Variants in CTDSP1 observed in about 807,000 individuals in gnomAD.
CTDSP1 encodes the protein carboxy-terminal domain RNA polymerase II polypeptide A small phosphatase 1.
CTDSP1 carries 15 observed loss-of-function variants against 32.5 expected under a neutral mutation model. The ratio of observed to expected loss-of-function variants is 0.46; its 90% CI spans 0.31 to 0.71. The LOEUF (loss-of-function observed/expected upper bound fraction) is 0.71. Among genes scored for constraint, CTDSP1 ranks in the 30% least tolerant of loss-of-function variants. The pLI, the probability that CTDSP1 is intolerant of heterozygous loss-of-function variation, is 0.05. For missense variants in CTDSP1, 294 were observed against 351.1 expected, an observed-to-expected ratio of 0.84 and a Z score of 1.30; for synonymous variants, 185 against 145.4, an observed-to-expected ratio of 1.27 and a Z score of -1.96.
At position 218,405,692 on chromosome 2, in the gene CTDSP1, C is replaced by T. The variant is rs1205481800; in HGVS notation, c.*1267C>T. ...CTGCCTTCCAACTGTTTCTGAAGCC[C>T]CTCCTCCTAACATGGCGATTCCGGA... On this transcript the variant is annotated 3_prime_UTR_variant, in exon 7 of 7. Transcript: ENST00000273062. 2 of 153,028 alleles carry T rather than the reference C, an allele frequency of 1.3e-5. No individual in the cohort carries two copies. The highest frequency in any genetic ancestry group is 2.4e-5 in the African/African-American group (1 of 41,462). 9.5% of individuals were successfully genotyped at this position (153,028 alleles called of 1,614,324 possible).
At chr2:218,400,306 G>A in intron 1 of CTDSP1, 149 bp downstream of exon 1, 2 of 789,360 alleles carry the variant, frequency 2.5e-6, no homozygotes, top group Non-Finnish European at 4.2e-6. Context: ...AGCAGGGAGA[G>A]AGTTTGAACT....
upstream of CTDSP1, chr2:218,398,543 C>A: frequency 8.1e-7 from 1 of 1,237,186 alleles, no homozygotes; most frequent in Non-Finnish European, 1.1e-6. Flanking sequence ...AGCCGCCGCG[C>A]CTTCTGGCAG....
upstream of CTDSP1, chr2:218,399,745 C>CCG (rs1300822880): frequency 6.9e-6 from 7 of 1,018,528 alleles, no homozygotes; most frequent in East Asian, 6.0e-4. Flanking sequence ...GCCCGGCCCG[C>CCG]CTCCCAGTCC....
rs760039671 is a variant in CTDSP1, at chr2:218,403,171, A to G, written c.471+44A>G. 8 of 1,611,928 alleles carry G rather than the reference A, an allele frequency of 5.0e-6. No homozygotes were observed. In the Admixed American group the frequency reaches 5.0e-5, roughly 10 times the overall value. On this transcript the variant is annotated intron_variant, in intron 5 of 6. Transcript: ENST00000273062. ...CCGGGGCAACCCTGCCCTCCTACCT[A>G]CCTCCCGCATGCAGCCCAATGAACC...
intron 1 of CTDSP1, chr2:218,400,482 T>A: frequency 2.3e-6 from 1 of 430,338 alleles, no homozygotes; most frequent in Non-Finnish European, 4.4e-6. Flanking sequence ...CCAATGGGGC[T>A]GGGAGATGGG....
At chr2:218,396,904 C>T (rs897816193), upstream of CTDSP1, 1 of 152,422 alleles carries the variant, frequency 6.6e-6, no homozygotes, top group South Asian at 2.1e-4. Context: ...ACCCCACACT[C>T]CAGCGGCGGG....
Position 218,404,954 on chromosome 2 carries a change from C to T in CTDSP1, c.*529C>T, listed in dbSNP as rs1232148339. The T allele has an allele frequency of 1.3e-5, 2 of 154,066 alleles. No homozygotes were observed. The highest frequency in any genetic ancestry group is 2.9e-5 in the Non-Finnish European group (2 of 69,044). The allele number at this position is 154,066 out of a possible 1,614,324, so 9.5% of individuals were successfully genotyped here. On this transcript the variant is annotated 3_prime_UTR_variant, in exon 7 of 7. Coordinates refer to ENST00000273062, the MANE Select transcript of CTDSP1 (RefSeq NM_021198.3). ...CTGAGAGGGCCCCTACCAACCTTTG[C>T]CTCTGCCTTGGAGGGAGGGGAGGTC... is the stretch of plus-strand genomic sequence containing the variant.
intron 2 of CTDSP1, 50 bp downstream of exon 2, chr2:218,401,762 G>C: frequency 1.4e-6 from 2 of 1,478,460 alleles, no homozygotes; most frequent in Non-Finnish European, 1.8e-6. Context: ...TCAGTCTTCA[G>C]GGCTTTAGGG....
chr2:218,400,428 T>G, intron 1 of CTDSP1: 1 of 547,660 alleles, frequency 1.8e-6, no homozygotes, highest in East Asian at 3.3e-5. Context: ...GGGGGTTTCC[T>G]GGCAGGCATT....
At chr2:218,401,130 C>T (rs1284344498) in intron 1 of CTDSP1, 32 of 367,380 alleles carry the variant, frequency 8.7e-5, no homozygotes, top group Middle Eastern at 1.9e-3. Context: ...GGACTTCGTA[C>T]CCACGGGGGT....
rs750784843 is a variant in CTDSP1, at chr2:218,402,980, G to A, written c.379-55G>A. On this transcript the variant is annotated intron_variant, in intron 4 of 6. Coordinates refer to ENST00000273062, the MANE Select transcript of CTDSP1 (RefSeq NM_021198.3). ...CTGGCCCATGCCCTGCCAGCCCTCG[G>A]CCACCCCCACACTGCCCCACTGGCC... The A allele has an allele frequency of 6.6e-6, 9 of 1,371,038 alleles. No individual in the cohort carries two copies. The South Asian group carries it at 1.1e-4, about 16-fold the overall frequency. The allele number at this position is 1,371,038 out of a possible 1,614,324, so 84.9% of individuals were successfully genotyped here. A position where few individuals can be genotyped will look rare whatever the true frequency, so the allele number is the denominator to read the frequency against.
At position 218,405,211 on chromosome 2, in the gene CTDSP1, GGA is replaced by G. The variant is rs1312728823; in HGVS notation, c.*792_*793del. The G allele has an allele frequency of 6.5e-6, 1 of 152,890 alleles. No homozygotes were observed. Among genetic ancestry groups the G allele is most frequent in the East Asian group, 1.9e-4 (1 of 5,318 alleles). The allele number at this position is 152,890 out of a possible 1,614,324, so 9.5% of individuals were successfully genotyped here. The stretch of plus-strand genomic sequence containing the variant: ...ATGTGTATATAGATTTTTAGGGGAA[GGA>G]GAGAGGGAAGGGTCAGGGTAGAGAC... On this transcript the variant is annotated 3_prime_UTR_variant, in exon 7 of 7. Transcript: ENST00000273062.
chr2:218,398,547 C>T (rs887350441), upstream of CTDSP1: 2 of 1,166,760 alleles, frequency 1.7e-6, no homozygotes, highest in East Asian at 3.2e-5. Flanking sequence ...GCCGCGCCTT[C>T]TGGCAGACGC....
intron 1 of CTDSP1, chr2:218,400,644 C>A: frequency 2.3e-6 from 1 of 430,650 alleles, no homozygotes; most frequent in Non-Finnish European, 4.7e-6. Context: ...CGCCAACACA[C>A]AGCTACGTTC....
At position 218,399,927 on chromosome 2, in the gene CTDSP1, C is replaced by T; in HGVS notation, c.-164C>T. 1.8e-6 allele frequency: 2 copies of T among 1,138,284 alleles called. No homozygotes were observed. Among genetic ancestry groups the T allele is most frequent in the South Asian group, 2.8e-5 (1 of 36,052 alleles). The allele number at this position is 1,138,284 out of a possible 1,614,324, so 70.5% of individuals were successfully genotyped here. On this transcript the variant is annotated 5_prime_UTR_variant, in exon 1 of 7. Coordinates refer to ENST00000273062, the MANE Select transcript of CTDSP1 (RefSeq NM_021198.3). ...AACAAAGTTTCCTCCGCGCCCCCTC[C>T]CTCCCCCTCCCCCCTAGAACCTGGC...
At position 218,404,401 on chromosome 2, in the gene CTDSP1, C is replaced by T. The variant is rs1020769538; in HGVS notation, c.762C>T (p.Leu254=). 38 of 1,614,044 alleles carry T rather than the reference C, an allele frequency of 2.4e-5. No individual in the cohort carries two copies. Among genetic ancestry groups the T allele is most frequent in the Non-Finnish European group, 2.9e-5 (34 of 1,180,012 alleles). Residue 254 remains leucine (L), a synonymous_variant, in exon 7 of 7, where the codon CTC becomes CTT. Transcript: ENST00000273062. The stretch of plus-strand genomic sequence containing the variant: ...GTGTGGACGACGTGTACTCAGTGCT[C>T]AGGCAGCCACGGCCAGGGAGCTAGT... ...LSRVDDVYSV[L]RQPRPGS is the part of the protein sequence containing the mutation.
intron 1 of CTDSP1, chr2:218,400,741 C>A (rs942598420): frequency 2.2e-6 from 1 of 455,562 alleles, no homozygotes; most frequent in Non-Finnish European, 4.4e-6. Context: ...TCGCTTGGCG[C>A]CCGCGGGGAG....
chr2:218,402,634 G>A lies in CTDSP1; in HGVS notation c.378+229G>A, dbSNP rs531789720. The A allele has an allele frequency of 9.9e-4, 759 of 763,164 alleles. 12 individuals are homozygous for A. The South Asian group carries it at 0.01, about 10-fold the overall frequency. The allele number at this position is 763,164 out of a possible 1,614,324, so 47.3% of individuals were successfully genotyped here. On this transcript the variant is annotated intron_variant, in intron 4 of 6. Coordinates refer to ENST00000273062, the MANE Select transcript of CTDSP1 (RefSeq NM_021198.3). ...AGGCTCCCCCGTGCTGTGCTCCCTC[G>A]CCCCACCCTGCCCGGGACCCAGTTC... is the stretch of plus-strand genomic sequence containing the variant.
chr2:218,404,406 A>G lies in CTDSP1; in HGVS notation c.767A>G (p.Gln256Arg), dbSNP rs748505592. 4 of 1,614,040 alleles carry G rather than the reference A, an allele frequency of 2.5e-6. No individual in the cohort carries two copies. The African/African-American group carries it at 5.3e-5, about 22-fold the overall frequency. ...GACGACGTGTACTCAGTGCTCAGGC[A>G]GCCACGGCCAGGGAGCTAGTGAGGG... is the stretch of plus-strand genomic sequence containing the variant. ...RVDDVYSVLRQPRPGS is the reference protein window; with the variant it reads ...RVDDVYSVLRRPRPGS The change falls in exon 7 of 7, where the codon CAG becomes CGG. Residue 256 changes from glutamine to arginine, a missense_variant. Gln to Arg is a conservative substitution (Grantham distance 43). Around this residue, in one of 2 missense-constraint regions of CTDSP1, gnomAD observed 146 missense variants for 237.7 expected, o/e 0.61. Coordinates refer to ENST00000273062, the MANE Select transcript of CTDSP1 (RefSeq NM_021198.3).
Sources: allele counts gnomAD v4.1 joint callset, GRCh38; gene constraint gnomAD v4.1.1; regional missense constraint gnomAD v4.1.1; transcripts MANE v1.5; gene names NCBI Gene and HGNC (gene_info 2026-07-23, HGNC 2026-07-21).